The following DDB1 variants were observed in gnomAD, a reference collection of about 807,000 sequenced individuals.
DDB1 encodes DNA damage-binding protein 1.
Under a neutral mutation model 133.1 loss-of-function variants are expected in DDB1, and 18 were observed. The observed-to-expected ratio is 0.14, with a 90% CI of 0.09 to 0.20. The LOEUF (loss-of-function observed/expected upper bound fraction) is 0.20. Among genes scored for constraint, DDB1 ranks in the 10% least tolerant of loss-of-function variants. DDB1 has a pLI of 1.00. For missense variants in DDB1, 828 were observed against 1,459.2 expected (o/e 0.57, Z 7.05); for synonymous variants, 580 against 550.5 (o/e 1.05, Z -0.75).
chr11:61,323,868 T>TTG (rs1305077895), intron 7 of DDB1, 111 bp downstream of exon 7: 3 of 1,203,224 alleles, frequency 2.5e-6, no homozygotes, highest in Admixed American at 1.9e-5. Flanking sequence ...CAACAGTTTG[T>TTG]TGTTAGGTGT....
In DDB1 at chr11:61,329,525, C is replaced by A. The variant is rs764844217; in HGVS notation, c.387G>T (p.Arg129=). 1.1e-5 allele frequency: 18 copies of A among 1,614,072 alleles called. No homozygotes were observed. The highest frequency in any genetic ancestry group is 1.4e-5 in the Non-Finnish European group (16 of 1,180,048). ...GIIGIIDPEC[R]MIGLRLYDGL... Reference sequence around the variant, plus strand: ...CATCATAGAGACGCAGGCCAATCATCCGGCACTCAGGGTCAATGATGCCAA... The same window carrying A: ...CATCATAGAGACGCAGGCCAATCATACGGCACTCAGGGTCAATGATGCCAA... The change falls in exon 4 of 27, where the codon CGG becomes CGT. Residue 129 remains arginine, a synonymous_variant. Transcript: ENST00000301764.
At chr11:61,317,757 G>A (rs930294962) in intron 10 of DDB1, among the ~76,000 whole-genome samples, 1 of 152,112 alleles carries the variant, frequency 6.6e-6, no homozygotes, top group Non-Finnish European at 1.5e-5. Context: ...CTGCCCACTC[G>A]GTCTCCCAAA....
At chr11:61,326,925 AG>A in intron 4 of DDB1, 32 bp from the exon 5 acceptor site, 7 of 1,528,170 alleles carry the variant, frequency 4.6e-6, no homozygotes, top group Non-Finnish European at 3.6e-6. Context: ...GTTAGCCCTT[AG>A]GAAGGGTGAG....
chr11:61,300,340 C>G, intron 26 of DDB1, 121 bp from the exon 27 acceptor site: 1 of 1,058,792 alleles, frequency 9.4e-7, no homozygotes, highest in African/African-American at 1.6e-5. Flanking sequence ...AGAGGAAGGA[C>G]TCACCAGAAA....
At position 61,316,275 on chromosome 11, in the gene DDB1, C is replaced by G; in HGVS notation, c.1410+10G>C. 6.2e-7 allele frequency: 1 copy of G among 1,613,182 alleles called. No homozygotes were observed. Among genetic ancestry groups the G allele is most frequent in the Non-Finnish European group, 8.5e-7 (1 of 1,179,176 alleles). On this transcript the variant is annotated intron_variant, in intron 12 of 26. Coordinates refer to ENST00000301764, the MANE Select transcript of DDB1 (RefSeq NM_001923.5). ...TATATGGTAACACCTGCCCCTTTCTCAGTTATCACCTGGATAAGCTGCTGA... is the reference window on the plus strand; with the variant it reads ...TATATGGTAACACCTGCCCCTTTCTGAGTTATCACCTGGATAAGCTGCTGA...
At position 61,314,120 on chromosome 11, in the gene DDB1, G is replaced by A; in HGVS notation, c.1680C>T (p.Leu560=). ...NGLSPLCAIG[L]WTDISARILK... is the part of the protein sequence containing the mutation. ...AGATACGAGCCGAGATGTCCGTCCA[G>A]AGGCCAATGGCACAAAGAGGGGACA... is the stretch of plus-strand genomic sequence containing the variant. Residue 560 remains leucine (L), a synonymous_variant, in exon 14 of 27, where the codon CTC becomes CTT. Coordinates refer to ENST00000301764, the MANE Select transcript of DDB1 (RefSeq NM_001923.5). The A allele has an allele frequency of 6.2e-7, 1 of 1,614,170 alleles. No individual in the cohort carries two copies. Among genetic ancestry groups the A allele is most frequent in the Non-Finnish European group, 8.5e-7 (1 of 1,180,018 alleles).
Position 61,325,688 on chromosome 11 carries a change from C to A in DDB1, c.685G>T (p.Ala229Ser). Residue 229 changes from alanine (A) to serine (S), a missense_variant, in exon 6 of 27, where the codon GCC (alanine) becomes TCC (serine). By Grantham distance (99) the Ala-to-Ser change is moderately conservative. Transcript: ENST00000301764. ...ATTGACTCCTGTCCAATGATGATGGCCCCCCCAAAGGGCTCTGGGACTGCA... is the reference window on the plus strand; with the variant it reads ...ATTGACTCCTGTCCAATGATGATGGACCCCCCAAAGGGCTCTGGGACTGCA... ...VIAVPEPFGG[A>S]IIIGQESITY... 1.9e-6 allele frequency: 3 copies of A among 1,612,520 alleles called. No individual in the cohort carries two copies. The highest frequency in any genetic ancestry group is 1.1e-5 in the South Asian group (1 of 90,692).
chr11:61,326,251 C>G (rs1856268396), intron 5 of DDB1: 1 of 221,728 alleles, frequency 4.5e-6, no homozygotes, highest in Non-Finnish European at 8.9e-6. Context: ...GCAGGTCCCT[C>G]TGGCCCTGTT....
intron 5 of DDB1, 30 bp from the exon 6 acceptor site, chr11:61,325,738 T>C (rs1449754549): frequency 6.3e-6 from 10 of 1,581,376 alleles, no homozygotes; most frequent in Non-Finnish European, 8.7e-6. Context: ...ATTAGAATGC[T>C]CAGCACTCTG....
rs1216540153 is a variant in DDB1 at position 61,330,003 on chromosome 11, A to C, written c.282T>G (p.Ser94Arg). The part of the protein sequence containing the change: ...YNACILEYKQ[S>R]GESIDIITRA... ...GCGTAATGATGTCAATGCTCTCGCCACTCTGTTTATACTCCAGGATGCAGG... is the reference window on the plus strand; with the variant it reads ...GCGTAATGATGTCAATGCTCTCGCCCCTCTGTTTATACTCCAGGATGCAGG... The change falls in exon 3 of 27, where the codon AGT (serine) becomes AGG (arginine). Residue 94 changes from serine (S) to arginine (R), a missense_variant. Ser to Arg is a moderately radical substitution (Grantham distance 110, BLOSUM62 -1). This residue lies in a region of DDB1 where 210 missense variants were observed against 344.8 expected (regional missense o/e 0.61). Transcript: ENST00000301764. 3 of 1,613,708 alleles carry C rather than the reference A, an allele frequency of 1.9e-6. No individual in the cohort carries two copies. Among genetic ancestry groups the C allele is most frequent in the Non-Finnish European group, 2.5e-6 (3 of 1,179,850 alleles).
intron 10 of DDB1, 187 bp downstream of exon 10, chr11:61,321,408 T>C (rs1788674459): frequency 2.8e-6 from 1 of 355,352 alleles, no homozygotes; most frequent in Non-Finnish European, 4.6e-6. Flanking sequence ...AGTATTTTCT[T>C]TTTTTTTTTT....
chr11:61,330,737 C>T lies in DDB1; in HGVS notation c.211-663G>A, dbSNP rs188366164. On this transcript the variant is annotated intron_variant, in intron 2 of 26. Coordinates refer to ENST00000301764, the MANE Select transcript of DDB1 (RefSeq NM_001923.5). ...TGGGCGCCATCTCCACTCACTGCAA[C>T]CTCCGCCTCCTGAGTTCAAGCAATT... Among the ~76,000 whole-genome samples, 24 of 152,038 alleles carry T rather than the reference C, an allele frequency of 1.6e-4. 1 individual carries two copies. In the East Asian group the frequency reaches 4.6e-3, roughly 29 times the overall value.
chr11:61,310,027 A>T, intron 19 of DDB1, 67 bp from the exon 20 acceptor site: 1 of 1,602,020 alleles, frequency 6.2e-7, no homozygotes, highest in Non-Finnish European at 8.6e-7. Flanking sequence ...ATAACCCCGT[A>T]TTTCTGAGGC....
rs1856340964 is a variant in DDB1, at chr11:61,330,078, G to A, written c.211-4C>T. The A allele has an allele frequency of 6.2e-7, 1 of 1,610,142 alleles. No individual in the cohort carries two copies. Among genetic ancestry groups the A allele is most frequent in the African/African-American group, 1.3e-5 (1 of 74,824 alleles). ...ACAGCAGGTCCTTGCTCTCCCCCTG[G>A]AAACCAATATTATGCTATCAAAAGA... On this transcript the variant is annotated splice_region_variant and splice_polypyrimidine_tract_variant and intron_variant, in intron 2 of 26. Transcript: ENST00000301764.
At chr11:61,326,324 T>C (rs1339455993) in intron 5 of DDB1, 2 of 231,108 alleles carry the variant, frequency 8.7e-6, no homozygotes, top group East Asian at 2.7e-4. Flanking sequence ...TTTTTGTTGT[T>C]GTTTTTTTTT....
chr11:61,304,162 T>A, intron 21 of DDB1, 127 bp from the exon 22 acceptor site: 1 of 902,378 alleles, frequency 1.1e-6, no homozygotes, highest in East Asian at 2.5e-5. Flanking sequence ...GAAACGGTTT[T>A]ATGAGGCACT....
chr11:61,311,721 GC>G (rs1308658952), intron 18 of DDB1, 62 bp downstream of exon 18: 1 of 1,443,250 alleles, frequency 6.9e-7, no homozygotes, highest in Non-Finnish European at 9.5e-7. Flanking sequence ...TCACTACCTG[GC>G]CTGTACAGAA....
Position 61,309,960 on chromosome 11 carries a change from A to G in DDB1, c.2402T>C (p.Val801Ala), listed in dbSNP as rs200880349. The G allele has an allele frequency of 5.6e-6, 9 of 1,614,230 alleles. No homozygotes were observed. The highest frequency in any genetic ancestry group is 6.8e-6 in the Non-Finnish European group (8 of 1,180,038). ...LLIIDQHTFE[V>A]LHAHQFLQNE... ...CTGCAGAAACTGGTGGGCATGAAGCACTAGAGAGTAGAGAGATGACTACGT... is the reference window on the plus strand; with the variant it reads ...CTGCAGAAACTGGTGGGCATGAAGCGCTAGAGAGTAGAGAGATGACTACGT... Residue 801 changes from valine to alanine, a missense_variant and splice_region_variant, in exon 20 of 27, where the codon GTG (valine) becomes GCG (alanine). By Grantham distance (64) the Val-to-Ala change is moderately conservative. Coordinates refer to ENST00000301764, the MANE Select transcript of DDB1 (RefSeq NM_001923.5).
At chr11:61,316,970 T>TATATATATATAC (rs1856090902) in intron 10 of DDB1, among the ~76,000 whole-genome samples, 2 of 54,348 alleles carry the variant, frequency 3.7e-5, no homozygotes, top group Admixed American at 1.9e-4. Context: ...TATATATATA[T>TATATATATATAC]ATATATATAT....
Sources: gnomAD v4.1 joint callset for allele counts (sites outside exome capture counted in the v4.1 genomes callset) on GRCh38, gnomAD v4.1.1 for gene constraint, gnomAD v4.1.1 regional missense constraint, MANE v1.5 for transcripts, NCBI Gene and HGNC (gene_info 2026-07-23, HGNC 2026-07-21) for gene names.